Variants in PDLIM3 observed in about 807,000 individuals in gnomAD.
PDLIM3 encodes the protein PDZ and LIM domain 3.
Under a neutral mutation model 37.3 loss-of-function variants are expected in PDLIM3, and 36 were observed. The ratio of observed to expected loss-of-function variants is 0.97; its 90% CI spans 0.74 to 1.28. PDLIM3 has a LOEUF of 1.28. Among genes scored for constraint, PDLIM3 ranks in the 50% most tolerant of loss-of-function variants. PDLIM3 has a pLI of 0.00. For missense variants in PDLIM3, 454 were observed against 485.0 expected, an observed-to-expected ratio of 0.94 and a Z score of 0.60; for synonymous variants, 174 against 182.4, an observed-to-expected ratio of 0.95 and a Z score of 0.37.
chr4:185,524,957 T>C (rs2095730349), intron 2 of PDLIM3, 63 bp downstream of exon 2: 1 of 1,534,432 alleles, frequency 6.5e-7, no homozygotes. Flanking sequence ...AAGTTATTTA[T>C]AGTTCTGGTT....
chr4:185,505,996 G>T (rs893524178), intron 6 of PDLIM3, among the ~76,000 whole-genome samples: 1 of 152,060 alleles, frequency 6.6e-6, no homozygotes, highest in Admixed American at 6.5e-5. Flanking sequence ...TGGCTCACTG[G>T]CTATGTGGCC....
At chr4:185,508,987 A>G (rs2095702511) in intron 4 of PDLIM3, among the ~76,000 whole-genome samples, 1 of 152,244 alleles carries the variant, frequency 6.6e-6, no homozygotes, top group Non-Finnish European at 1.5e-5. Context: ...TACATTTCTG[A>G]AGTGCAACAT....
At chr4:185,535,120 C>G (rs961676050) in intron 1 of PDLIM3, among the ~76,000 whole-genome samples, 5 of 152,232 alleles carry the variant, frequency 3.3e-5, no homozygotes, top group African/African-American at 1.2e-4. Flanking sequence ...GATGGGACAC[C>G]TTTAGAGCGG....
chr4:185,502,347 G>A lies in PDLIM3; in HGVS notation c.1042C>T (p.Arg348Cys), dbSNP rs772981250. ...ELYCETHARA[R>C]TKPPEGYDTV... Reference sequence around the variant, plus strand: ...TCATAGCCCTCTGGGGGCTTTGTGCGGGCTCTTGCGTGGGTTTCGCAGTAC... The same window carrying A: ...TCATAGCCCTCTGGGGGCTTTGTGCAGGCTCTTGCGTGGGTTTCGCAGTAC... The change falls in exon 8 of 8, where the codon CGC (arginine) becomes TGC (cysteine). Residue 348 changes from arginine (R) to cysteine (C), a missense_variant. Physicochemically the swap from Arg to Cys is radical, Grantham distance 180. Transcript: ENST00000284767. 6.8e-6 allele frequency: 11 copies of A among 1,614,194 alleles called. No individual in the cohort carries two copies. The highest frequency in any genetic ancestry group is 1.1e-5 in the South Asian group (1 of 91,086).
intron 3 of PDLIM3, among the ~76,000 whole-genome samples, chr4:185,518,152 G>A (rs940284621): frequency 1.3e-5 from 2 of 152,056 alleles, no homozygotes; most frequent in African/African-American, 4.8e-5. Flanking sequence ...TATTTTAAAT[G>A]TTAGAGGCTT....
chr4:185,516,107 G>C (rs933458324), intron 3 of PDLIM3: 1 of 152,140 alleles, frequency 6.6e-6, no homozygotes, highest in Non-Finnish European at 1.5e-5. Context: ...CACCACGTTG[G>C]CCAGGCTGGT....
At chr4:185,534,583 G>C (rs1352407161) in intron 1 of PDLIM3, among the ~76,000 whole-genome samples, 1 of 152,196 alleles carries the variant, frequency 6.6e-6, no homozygotes, top group Non-Finnish European at 1.5e-5. Flanking sequence ...AGACAGTAGA[G>C]AACACCAAGT....
At chr4:185,533,024 C>T (rs183543655) in intron 1 of PDLIM3, among the ~76,000 whole-genome samples, 3 of 152,244 alleles carry the variant, frequency 2.0e-5, no homozygotes, top group Admixed American at 6.5e-5. Context: ...ACAGACCTAG[C>T]GTCAGAGCCT....
intron 4 of PDLIM3, chr4:185,513,484 A>G: frequency 1.0e-6 from 1 of 955,974 alleles, no homozygotes; most frequent in Non-Finnish European, 1.2e-6. Context: ...CAAGATGGTG[A>G]GTTTAAATGT....
At chr4:185,524,859 TTGAC>T (rs2095730124) in intron 2 of PDLIM3, among the ~76,000 whole-genome samples, 157 bp downstream of exon 2, 1 of 152,236 alleles carries the variant, frequency 6.6e-6, no homozygotes, top group African/African-American at 2.4e-5. Context: ...AACTGCTAGA[TTGAC>T]TGACTTTAGT....
At chr4:185,528,995 A>G (rs979721610) in intron 1 of PDLIM3, among the ~76,000 whole-genome samples, 9 of 152,280 alleles carry the variant, frequency 5.9e-5, no homozygotes, top group African/African-American at 2.2e-4. Flanking sequence ...TGTTTTCCCA[A>G]ATTAGAAGAG....
At chr4:185,509,380 A>G (rs567312308) in intron 4 of PDLIM3, among the ~76,000 whole-genome samples, 1 of 152,292 alleles carries the variant, frequency 6.6e-6, no homozygotes, top group South Asian at 2.1e-4. Flanking sequence ...TTTTATGCAC[A>G]ATTTCAGAAG....
intron 3 of PDLIM3, 25 bp downstream of exon 3, chr4:185,523,337 G>A: frequency 6.8e-7 from 1 of 1,475,812 alleles, no homozygotes. Flanking sequence ...AATACAATGT[G>A]TATCATTTGC....
At chr4:185,513,011 C>T (rs529895474) in intron 4 of PDLIM3, 15 of 985,258 alleles carry the variant, frequency 1.5e-5, no homozygotes, top group African/African-American at 1.7e-5. Flanking sequence ...TGTGCACCCT[C>T]AGGATTTGAT....
intron 5 of PDLIM3, 102 bp downstream of exon 5, chr4:185,508,197 A>G (rs2095700951): frequency 1.1e-5 from 13 of 1,170,914 alleles, no homozygotes; most frequent in South Asian, 1.0e-4. Context: ...AGCTTTTCAC[A>G]TAGCTTTCTT....
rs2095693788 is a variant in PDLIM3, at chr4:185,504,691, C to T, written c.794-105G>A. The T allele has an allele frequency of 3.6e-6, 3 of 841,708 alleles. No homozygotes were observed. Among genetic ancestry groups the T allele is most frequent in the East Asian group, 2.7e-5 (1 of 37,678 alleles). 52.1% of individuals were successfully genotyped at this position (841,708 alleles called of 1,614,324 possible). A position where few individuals can be genotyped will look rare whatever the true frequency, so the allele number is the denominator to read the frequency against. On this transcript the variant is annotated intron_variant, in intron 6 of 7. Transcript: ENST00000284767. This position sits in a 1 kb window ranked among gnomAD's most constrained non-coding sequence, Gnocchi z 4.7. The stretch of plus-strand genomic sequence containing the variant: ...ACTTTAACCTGAAGTTGCATCTGCA[C>T]CGTCATTCCGAGAGGGGCAGGACTG...
At chr4:185,528,045 C>A (rs148018846) in intron 1 of PDLIM3, among the ~76,000 whole-genome samples, 1 of 148,678 alleles carries the variant, frequency 6.7e-6, no homozygotes, top group African/African-American at 2.5e-5. Context: ...CAGAGGTAGA[C>A]CTCCTCCTCT....
chr4:185,525,785 C>A (rs1051964281), intron 1 of PDLIM3, among the ~76,000 whole-genome samples: 8 of 152,148 alleles, frequency 5.3e-5, no homozygotes, highest in African/African-American at 1.9e-4. Context: ...TCTCAGCTCT[C>A]TTGCCTCCAA....
chr4:185,519,131 G>C (rs2095719024), intron 3 of PDLIM3, among the ~76,000 whole-genome samples: 2 of 152,130 alleles, frequency 1.3e-5, no homozygotes, highest in South Asian at 4.1e-4. Flanking sequence ...CAGAAAAATA[G>C]AGAAAAATAG....
Sources: gnomAD v4.1 joint callset for allele counts (sites outside exome capture counted in the v4.1 genomes callset) on GRCh38, gnomAD v4.1.1 for gene constraint, Gnocchi (gnomAD v3.1) non-coding constraint, MANE v1.5 for transcripts, NCBI Gene and HGNC (gene_info 2026-07-23, HGNC 2026-07-21) for gene names.